The following STARD13 variants were observed in gnomAD, a reference collection of about 807,000 sequenced individuals.
STARD13 encodes stAR-related lipid transfer protein 13.
A neutral mutation model predicts 106.4 loss-of-function variants in STARD13; 62 were observed. That is an observed-to-expected ratio of 0.58 (90% CI 0.48 to 0.72). The LOEUF (loss-of-function observed/expected upper bound fraction) is 0.72. STARD13 is among the 30% of genes least tolerant of loss of function. The pLI, the probability that STARD13 is intolerant of heterozygous loss-of-function variation, is 0.00. For missense variants in STARD13, 1,387 were observed against 1,424.0 expected (o/e 0.97, Z 0.42); for synonymous variants, 565 against 553.0 (o/e 1.02, Z -0.31).
At chr13:33,227,435 A>G (rs7994580) in intron 1 of STARD13, among the ~76,000 whole-genome samples, 19,214 of 152,184 alleles carry the variant, frequency 0.13, 1,918 homozygotes, top group African/African-American at 0.28. Context: ...AGGCATGGAA[A>G]CTTCCTCTAC....
chr13:33,538,305 C>T, the STARD13 span, among the ~76,000 whole-genome samples: 3 of 152,120 alleles, frequency 2.0e-5, no homozygotes, highest in Admixed American at 6.6e-5. Flanking sequence ...TGAGAAGTTA[C>T]ACAGATAATG....
At chr13:33,311,113 A>G (rs11147513) in intron 1 of STARD13, among the ~76,000 whole-genome samples, 1,766 of 150,646 alleles carry the variant, frequency 0.012, 48 homozygotes, top group African/African-American at 0.041. Context: ...GGGCAACATA[A>G]TAAGACACCA....
chr13:33,327,309 G>C (rs962265213), intron 1 of STARD13, among the ~76,000 whole-genome samples: 7 of 152,238 alleles, frequency 4.6e-5, no homozygotes, highest in African/African-American at 1.7e-4. Flanking sequence ...ATGCTATTTT[G>C]AGTACACTTT....
chr13:33,178,080 AGATT>A (rs1240544793), intron 1 of STARD13, among the ~76,000 whole-genome samples: 1 of 151,980 alleles, frequency 6.6e-6, no homozygotes, highest in African/African-American at 2.4e-5. Context: ...TACCACCTAG[AGATT>A]GATCAATATT....
At chr13:33,332,707 T>C (rs1398823710) in intron 1 of STARD13, among the ~76,000 whole-genome samples, 2 of 152,198 alleles carry the variant, frequency 1.3e-5, no homozygotes, top group Non-Finnish European at 2.9e-5. Context: ...GTATCCCAAA[T>C]AGCACCCCCT....
intron 1 of STARD13, among the ~76,000 whole-genome samples, chr13:33,177,862 G>T (rs1240857291): frequency 4.3e-4 from 6 of 13,942 alleles, no homozygotes; most frequent in African/African-American, 3.7e-3. Flanking sequence ...AGGAAGGAAG[G>T]AAGGAAGGAA....
At chr13:33,647,737 T>C in the STARD13 span, among the ~76,000 whole-genome samples, 1 of 152,224 alleles carries the variant, frequency 6.6e-6, no homozygotes, top group African/African-American at 2.4e-5. Context: ...TTTGGTCCCA[T>C]TGAATTCTGC....
rs191457410 is a variant in STARD13, at chr13:33,170,519, G to A, written c.170-2897C>T. Among the ~76,000 whole-genome samples, 7 of 152,270 alleles carry A rather than the reference G, an allele frequency of 4.6e-5. No homozygotes were observed. In the East Asian group the frequency reaches 1.2e-3, roughly 25 times the overall value. ...ATAACCAAATTTTAACCAGAACCCAGATAAATCAATCATTCAAATAAGATG... is the reference window on the plus strand; with the variant it reads ...ATAACCAAATTTTAACCAGAACCCAAATAAATCAATCATTCAAATAAGATG... On this transcript the variant is annotated intron_variant, in intron 1 of 13. Transcript: ENST00000336934.
chr13:33,185,587 G>A (rs1885679123), intron 1 of STARD13, among the ~76,000 whole-genome samples: 1 of 152,174 alleles, frequency 6.6e-6, no homozygotes, highest in South Asian at 2.1e-4. Context: ...ATCCCTGATA[G>A]TTGGCAATGG....
intron 1 of STARD13, among the ~76,000 whole-genome samples, chr13:33,279,212 A>T (rs1417597776): frequency 3.3e-5 from 5 of 152,048 alleles, no homozygotes; most frequent in Non-Finnish European, 7.4e-5. Flanking sequence ...TTTTGCCAAA[A>T]CCCACTTATC....
chr13:33,392,994 C>T, the STARD13 span, among the ~76,000 whole-genome samples: 1 of 152,230 alleles, frequency 6.6e-6, no homozygotes, highest in East Asian at 1.9e-4. Context: ...ACGGCAAAGA[C>T]TCTTGGCAGA....
downstream of STARD13, among the ~76,000 whole-genome samples, chr13:33,345,754 T>G (rs1331789348): frequency 6.6e-6 from 1 of 152,180 alleles, no homozygotes; most frequent in Non-Finnish European, 1.5e-5. Flanking sequence ...GTGAATATAT[T>G]TGAACATCAT....
At chr13:33,385,036 A>AAT in the STARD13 span, among the ~76,000 whole-genome samples, 6,057 of 144,014 alleles carry the variant, frequency 0.042, 270 homozygotes, top group Non-Finnish European at 0.051. Context: ...AAAGGTTCGG[A>AAT]ATATATATAT....
the STARD13 span, among the ~76,000 whole-genome samples, chr13:33,650,513 A>C: frequency 5.3e-5 from 8 of 151,846 alleles, no homozygotes; most frequent in Admixed American, 1.3e-4. Context: ...AAAACATTAC[A>C]TTTTAAAGTC....
the STARD13 span, among the ~76,000 whole-genome samples, chr13:33,501,078 C>CTTTTTTTTTTT: frequency 2.1e-5 from 2 of 94,096 alleles, no homozygotes; most frequent in African/African-American, 1.1e-4. Context: ...TCTCTCTCTC[C>CTTTTTTTTTTT]TTTTTTTTTT....
intron 7 of STARD13, among the ~76,000 whole-genome samples, chr13:33,119,012 C>T (rs1055257288): frequency 6.6e-6 from 1 of 151,890 alleles, no homozygotes; most frequent in Non-Finnish European, 1.5e-5. Flanking sequence ...AGAGTCTAGA[C>T]TCCTCCCCTA....
At chr13:33,439,704 G>T in the STARD13 span, 1 of 1,268,262 alleles carries the variant, frequency 7.9e-7, no homozygotes, top group Non-Finnish European at 1.0e-6. Context: ...CTCTTTCTTT[G>T]GGTCTGTTAT....
At chr13:33,263,077 C>G (rs1028668304) in intron 1 of STARD13, among the ~76,000 whole-genome samples, 1 of 152,250 alleles carries the variant, frequency 6.6e-6, no homozygotes, top group African/African-American at 2.4e-5. Context: ...CTTCTCTGAA[C>G]CCCAGTTTCC....
chr13:33,139,277 T>C (rs1179301458), intron 4 of STARD13, among the ~76,000 whole-genome samples: 1 of 152,206 alleles, frequency 6.6e-6, no homozygotes, highest in Non-Finnish European at 1.5e-5. Flanking sequence ...AGTGCCAGAT[T>C]ACCCAGATTC....
Sources: allele counts gnomAD v4.1 joint callset (sites outside exome capture counted in the v4.1 genomes callset), GRCh38; gene constraint gnomAD v4.1.1; transcripts MANE v1.5; gene names NCBI Gene and HGNC (gene_info 2026-07-23, HGNC 2026-07-21).